Variants in ZNF484 observed in about 807,000 individuals in gnomAD.
ZNF484 encodes the protein zinc finger protein 484.
Under a neutral mutation model 12.9 loss-of-function variants are expected in ZNF484, and 11 were observed. The ratio of observed to expected loss-of-function variants is 0.85; its 90% CI spans 0.54 to 1.41. The LOEUF (loss-of-function observed/expected upper bound fraction) is 1.41. Among genes scored for constraint, ZNF484 ranks in the 40% most tolerant of loss-of-function variants. The probability of loss-of-function intolerance (pLI) is 0.00; values close to 1 mark genes in which losing one functional copy is unlikely to be tolerated. For missense variants in ZNF484, 807 were observed against 1,007.7 expected (o/e 0.80, Z 2.70); for synonymous variants, 289 against 334.1 (o/e 0.86, Z 1.47).
intron 2 of ZNF484, among the ~76,000 whole-genome samples, chr9:92,866,557 T>G (rs1054874742): frequency 6.6e-5 from 10 of 152,232 alleles, no homozygotes; most frequent in Admixed American, 6.5e-4. Context: ...TGTAAATTAG[T>G]TCAACCATTG....
At position 92,846,019 on chromosome 9, in the gene ZNF484, T is replaced by C. The variant is rs991548579; in HGVS notation, c.*209A>G. The C allele has an allele frequency of 3.5e-6, 2 of 571,316 alleles. No individual in the cohort carries two copies. Among genetic ancestry groups the C allele is most frequent in the Non-Finnish European group, 6.1e-6 (2 of 329,762 alleles). 35.4% of individuals were successfully genotyped at this position (571,316 alleles called of 1,614,324 possible). A position where few individuals can be genotyped will look rare whatever the true frequency, so the allele number is the denominator to read the frequency against. ...CAGAACATGAAAAACTCAACAGCCA[T>C]GAATTTATAAAACTGTTTGCCCAAA... On this transcript the variant is annotated 3_prime_UTR_variant, in exon 5 of 5. Coordinates refer to ENST00000375495, the MANE Select transcript of ZNF484 (RefSeq NM_031486.4).
chr9:92,847,289 C>T lies in ZNF484; in HGVS notation c.1498G>A (p.Val500Met). 3 of 1,614,136 alleles carry T rather than the reference C, an allele frequency of 1.9e-6. No individual in the cohort carries two copies. Among genetic ancestry groups the T allele is most frequent in the Non-Finnish European group, 1.7e-6 (2 of 1,180,002 alleles). The change falls in exon 5 of 5, where the codon GTG becomes ATG. Residue 500 changes from valine to methionine, a missense_variant. Physicochemically the swap from Val to Met is conservative, Grantham distance 21. Transcript: ENST00000375495. ...HTGERPYICT[V>M]CGKAFTDRSN... Reference sequence around the variant, plus strand: ...CTGTCAGTAAAGGCCTTACCACACACAGTACATATATAGGGTCTTTCTCCT... The same window carrying T: ...CTGTCAGTAAAGGCCTTACCACACATAGTACATATATAGGGTCTTTCTCCT...
chr9:92,848,680 G>T lies in ZNF484; in HGVS notation c.236-129C>A, dbSNP rs1448325113. 1 of 759,906 alleles carries T rather than the reference G, an allele frequency of 1.3e-6. No individual in the cohort carries two copies. The highest frequency in any genetic ancestry group is 2.8e-5 in the East Asian group (1 of 35,678). The allele number at this position is 759,906 out of a possible 1,614,324, so 47.1% of individuals were successfully genotyped here. On this transcript the variant is annotated intron_variant, in intron 4 of 4. Coordinates refer to ENST00000375495, the MANE Select transcript of ZNF484 (RefSeq NM_031486.4). The surrounding 1 kb of genome is among the most constrained non-coding windows in gnomAD (Gnocchi z 4.1). The stretch of plus-strand genomic sequence containing the variant: ...AGGTGGGCAGATCACTTGAGGCCAG[G>T]AGTTTGAGACCAGCCTGGCCAGCAT...
At chr9:92,870,969 C>T (rs1006482497) in intron 2 of ZNF484, among the ~76,000 whole-genome samples, 3 of 152,138 alleles carry the variant, frequency 2.0e-5, no homozygotes, top group African/African-American at 4.8e-5. Flanking sequence ...GCCCAGAGGA[C>T]GCCTGCTAAA....
chr9:92,847,972 A>C lies in ZNF484; in HGVS notation c.815T>G (p.Ile272Ser), dbSNP rs775779743. ...TTCATGCTGCTTTTCTTCAGCACAA[A>C]TACTCTCATGTGCAAAGGCATGTGA... ...PKSHAFAHES[I>S]CAEEKQHECH... The change falls in exon 5 of 5, where the codon ATT (isoleucine) becomes AGT (serine). Residue 272 changes from isoleucine to serine, a missense_variant. Coordinates refer to ENST00000375495, the MANE Select transcript of ZNF484 (RefSeq NM_031486.4). 5 of 1,614,208 alleles carry C rather than the reference A, an allele frequency of 3.1e-6. No homozygotes were observed. In the East Asian group the frequency reaches 1.1e-4, roughly 36 times the overall value.
In ZNF484 at chr9:92,845,964, T is replaced by G. The variant is rs1021280508; in HGVS notation, c.*264A>C. 2.5e-5 allele frequency: 11 copies of G among 438,306 alleles called. No homozygotes were observed. The highest frequency in any genetic ancestry group is 1.0e-4 in the African/African-American group (5 of 50,086). 27.2% of individuals were successfully genotyped at this position (438,306 alleles called of 1,614,324 possible). On this transcript the variant is annotated 3_prime_UTR_variant, in exon 5 of 5. Transcript: ENST00000375495. This position sits in a 1 kb window ranked among gnomAD's most constrained non-coding sequence, Gnocchi z 4.0. Reference sequence around the variant, plus strand: ...CATCATACTACTCATTATGAATTTTTGCGGGTCAATATTGAATAGTTGTGG... The same window carrying G: ...CATCATACTACTCATTATGAATTTTGGCGGGTCAATATTGAATAGTTGTGG...
chr9:92,850,464 G>T (rs917156035), intron 4 of ZNF484, among the ~76,000 whole-genome samples: 1 of 152,060 alleles, frequency 6.6e-6, no homozygotes, highest in African/African-American at 2.4e-5. Flanking sequence ...GTAAAATTAC[G>T]ATATCTTAGT....
Position 92,848,451 on chromosome 9 carries a change from A to G in ZNF484, c.336T>C (p.Tyr112=). 6.2e-7 allele frequency: 1 copy of G among 1,614,146 alleles called. No homozygotes were observed. The highest frequency in any genetic ancestry group is 1.3e-5 in the African/African-American group (1 of 75,058). The change falls in exon 5 of 5, where the codon TAT becomes TAC. Residue 112 remains tyrosine (Y), a synonymous_variant. Coordinates refer to ENST00000375495, the MANE Select transcript of ZNF484 (RefSeq NM_031486.4). The surrounding 1 kb of genome is among the most constrained non-coding windows in gnomAD (Gnocchi z 4.1). ...NINLFTRDDP[Y]SILEELWKDD... ...CTTTCCACAATTCTTCTAAAATGGAATATGGGTCATCTCTTGTGAAGAGAT... is the reference window on the plus strand; with the variant it reads ...CTTTCCACAATTCTTCTAAAATGGAGTATGGGTCATCTCTTGTGAAGAGAT...
chr9:92,855,914 G>A lies in ZNF484; in HGVS notation c.143-11C>T, dbSNP rs772513536. On this transcript the variant is annotated splice_polypyrimidine_tract_variant and intron_variant, in intron 3 of 4. Coordinates refer to ENST00000375495, the MANE Select transcript of ZNF484 (RefSeq NM_031486.4). ...TGGGAACTTGACATCCTGTTAACAG[G>A]GGATGATAGAGGACTTGATTTCAGA... The A allele has an allele frequency of 2.5e-6, 4 of 1,613,008 alleles. No individual in the cohort carries two copies. Among genetic ancestry groups the A allele is most frequent in the Non-Finnish European group, 3.4e-6 (4 of 1,179,624 alleles).
intron 2 of ZNF484, among the ~76,000 whole-genome samples, chr9:92,869,093 G>A (rs1460162310): frequency 6.6e-6 from 1 of 151,930 alleles, no homozygotes; most frequent in African/African-American, 2.4e-5. Flanking sequence ...ACTCGTAGGG[G>A]TTGTGACTGA....
intron 2 of ZNF484, among the ~76,000 whole-genome samples, chr9:92,857,573 T>G (rs1217333750): frequency 6.6e-6 from 1 of 152,168 alleles, no homozygotes; most frequent in Non-Finnish European, 1.5e-5. Context: ...GAAGAGGGTC[T>G]TTAGAGGACA....
At chr9:92,857,455 T>C (rs954656074) in intron 2 of ZNF484, among the ~76,000 whole-genome samples, 5 of 152,168 alleles carry the variant, frequency 3.3e-5, no homozygotes, top group Non-Finnish European at 7.4e-5. Context: ...GGATATTTGC[T>C]GAATTCTAGG....
At chr9:92,861,309 T>C (rs555575211) in intron 2 of ZNF484, among the ~76,000 whole-genome samples, 1 of 152,220 alleles carries the variant, frequency 6.6e-6, no homozygotes, top group Non-Finnish European at 1.5e-5. Context: ...GAAAAGAGCA[T>C]CAACAGATAG....
At chr9:92,857,110 G>A (rs568522303) in intron 2 of ZNF484, among the ~76,000 whole-genome samples, 193 of 152,332 alleles carry the variant, frequency 1.3e-3, no homozygotes, top group African/African-American at 4.4e-3. Flanking sequence ...ATGAGATGCA[G>A]TAGCTTGGCA....
At chr9:92,849,880 C>A (rs1479092681) in intron 4 of ZNF484, among the ~76,000 whole-genome samples, 34 of 152,088 alleles carry the variant, frequency 2.2e-4, no homozygotes, top group Non-Finnish European at 2.9e-5. Flanking sequence ...GAGCTCACTG[C>A]AACCTCCACC....
intron 2 of ZNF484, among the ~76,000 whole-genome samples, chr9:92,874,563 C>T (rs552253268): frequency 5.3e-5 from 8 of 152,142 alleles, no homozygotes; most frequent in African/African-American, 1.7e-4. Flanking sequence ...CCACCTGCCT[C>T]GACCTCCCAA....
intron 2 of ZNF484, among the ~76,000 whole-genome samples, chr9:92,867,479 T>C (rs139316060): frequency 0.013 from 2,044 of 151,940 alleles, 22 homozygotes; most frequent in South Asian, 0.036. Context: ...CGAAACTCCA[T>C]CTCAAAAAAC....
chr9:92,851,219 A>G (rs1856053835), intron 4 of ZNF484, among the ~76,000 whole-genome samples: 1 of 152,260 alleles, frequency 6.6e-6, no homozygotes, highest in Admixed American at 6.5e-5. Flanking sequence ...CCAACTTGGC[A>G]GCACCCAGTT....
At chr9:92,861,478 A>G (rs1856776250) in intron 2 of ZNF484, among the ~76,000 whole-genome samples, 1 of 152,232 alleles carries the variant, frequency 6.6e-6, no homozygotes, top group Admixed American at 6.5e-5. Flanking sequence ...CAAAATGAAA[A>G]TTTTAGAACC....
Sources: allele counts gnomAD v4.1 joint callset (sites outside exome capture counted in the v4.1 genomes callset), GRCh38; gene constraint gnomAD v4.1.1; non-coding constraint Gnocchi (gnomAD v3.1); transcripts MANE v1.5; gene names NCBI Gene and HGNC (gene_info 2026-07-23, HGNC 2026-07-21).